The following ZNF678 variants were observed in gnomAD, a reference collection of about 807,000 sequenced individuals.
ZNF678 encodes zinc finger protein 678.
In ZNF678, 5 loss-of-function variants were observed where a neutral mutation model predicts 3.0. That is an observed-to-expected ratio of 1.69 (90% CI 0.88 to 3.56). The LOEUF (loss-of-function observed/expected upper bound fraction) is 3.56. Ranked by LOEUF, ZNF678 falls within the 30% of genes most tolerant of loss-of-function variation. The pLI, the probability that ZNF678 is intolerant of heterozygous loss-of-function variation, is 0.00. For synonymous variants in ZNF678, 218 were observed against 199.6 expected, an observed-to-expected ratio of 1.09 and a Z score of -0.78; for missense variants, 593 against 605.0, an observed-to-expected ratio of 0.98 and a Z score of 0.21.
intron 1 of ZNF678, 87 bp downstream of exon 1, chr1:227,563,811 C>A: frequency 8.2e-7 from 1 of 1,221,128 alleles, no homozygotes; most frequent in Non-Finnish European, 1.1e-6. Flanking sequence ...TCCCGGCTGG[C>A]ACCTGTGGGA....
At chr1:227,575,384 A>G (rs1196195428) in intron 1 of ZNF678, among the ~76,000 whole-genome samples, 2 of 152,122 alleles carry the variant, frequency 1.3e-5, no homozygotes, top group South Asian at 2.1e-4. Context: ...TAAGCATGGA[A>G]TGTTTTTCCG....
At position 227,646,687 on chromosome 1, in the gene ZNF678, T is replaced by C; in HGVS notation, c.-37+17T>C. ...TCTCCCTGGGTGAGGATAACTTCAA[T>C]ACACAATTTATGTATTTCATACTAC... On this transcript the variant is annotated intron_variant, in intron 2 of 3. Transcript: ENST00000343776. 1.5e-6 allele frequency: 2 copies of C among 1,368,938 alleles called. No individual in the cohort carries two copies. Among genetic ancestry groups the C allele is most frequent in the South Asian group, 1.1e-5 (1 of 88,170 alleles). 84.8% of individuals were successfully genotyped at this position (1,368,938 alleles called of 1,614,324 possible). A position where few individuals can be genotyped will look rare whatever the true frequency, so the allele number is the denominator to read the frequency against.
At chr1:227,622,915 A>G (rs1354317210) in intron 1 of ZNF678, among the ~76,000 whole-genome samples, 1 of 152,212 alleles carries the variant, frequency 6.6e-6, no homozygotes. Flanking sequence ...ACAGATCAAT[A>G]CATGCTTCTT....
chr1:227,646,158 T>G (rs1658950293), intron 1 of ZNF678, among the ~76,000 whole-genome samples: 1 of 152,240 alleles, frequency 6.6e-6, no homozygotes, highest in South Asian at 2.1e-4. Context: ...AATCAAAATC[T>G]ACATTTTAAA....
intron 1 of ZNF678, among the ~76,000 whole-genome samples, chr1:227,625,049 C>G (rs927679326): frequency 3.9e-5 from 6 of 152,258 alleles, no homozygotes; most frequent in African/African-American, 1.4e-4. Context: ...GGTTTATATC[C>G]CAATCATTGT....
intron 1 of ZNF678, among the ~76,000 whole-genome samples, chr1:227,632,442 C>T (rs528782391): frequency 1.1e-4 from 17 of 152,150 alleles, no homozygotes; most frequent in African/African-American, 3.1e-4. Flanking sequence ...CATGCATGGG[C>T]GACTGTTGAG....
chr1:227,597,643 T>G (rs1217088404), intron 1 of ZNF678, among the ~76,000 whole-genome samples: 1 of 152,212 alleles, frequency 6.6e-6, no homozygotes, highest in Non-Finnish European at 1.5e-5. Flanking sequence ...TTTTGGGGCT[T>G]TCTCATGCTG....
intron 1 of ZNF678, among the ~76,000 whole-genome samples, chr1:227,592,680 A>C (rs1657447357): frequency 6.6e-6 from 1 of 152,262 alleles, no homozygotes; most frequent in African/African-American, 2.4e-5. Flanking sequence ...TTCAAGCTTT[A>C]AATTGATCTG....
chr1:227,592,668 A>T (rs1657447204), intron 1 of ZNF678, among the ~76,000 whole-genome samples: 1 of 152,222 alleles, frequency 6.6e-6, no homozygotes, highest in Admixed American at 6.5e-5. Context: ...TAGGTATTTG[A>T]TTTCAAGCTT....
rs1405393411 is a variant in ZNF678, at chr1:227,638,688, A to T, written c.-163-7856A>T. 2.0e-5 allele frequency among the ~76,000 whole-genome samples: 3 copies of T among 152,074 alleles called. No individual in the cohort carries two copies. The highest frequency in any genetic ancestry group is 2.0e-4 in the Admixed American group (3 of 15,280). Reference sequence around the variant, plus strand: ...TCTTGGGTACTATGGGAAATGTGGAAGTAGGGAGTAATGTGGAGTTTTGAA... The same window carrying T: ...TCTTGGGTACTATGGGAAATGTGGATGTAGGGAGTAATGTGGAGTTTTGAA... On this transcript the variant is annotated intron_variant, in intron 1 of 3. Transcript: ENST00000343776. This position sits in a 1 kb window ranked among gnomAD's most constrained non-coding sequence, Gnocchi z 4.2.
rs1258306896 is a variant in ZNF678, at chr1:227,608,769, A to G, written c.-163-37775A>G. Among the ~76,000 whole-genome samples the G allele has an allele frequency of 3.3e-5, 5 of 152,200 alleles. No individual in the cohort carries two copies. In the East Asian group the frequency reaches 7.7e-4, roughly 23 times the overall value. ...AAAATGCCCGGTAGAGTTGAAGGAA[A>G]AATGCAGAAACTTCAAGAAGGAAAA... On this transcript the variant is annotated intron_variant, in intron 1 of 3. Coordinates refer to ENST00000343776, the MANE Select transcript of ZNF678 (RefSeq NM_001367909.1).
At chr1:227,585,493 G>A (rs536066000) in intron 1 of ZNF678, among the ~76,000 whole-genome samples, 1 of 152,268 alleles carries the variant, frequency 6.6e-6, no homozygotes, top group East Asian at 1.9e-4. Context: ...TAAAGATCTT[G>A]GCCGGGCACG....
At chr1:227,572,762 A>G (rs1571856450) in intron 1 of ZNF678, among the ~76,000 whole-genome samples, 1 of 152,370 alleles carries the variant, frequency 6.6e-6, no homozygotes, top group Middle Eastern at 3.4e-3. Flanking sequence ...CAGAGAGGCA[A>G]TGATTGCTGC....
At chr1:227,649,274 A>G (rs536371541) in intron 2 of ZNF678, among the ~76,000 whole-genome samples, 2 of 152,314 alleles carry the variant, frequency 1.3e-5, no homozygotes, top group East Asian at 3.9e-4. Context: ...AAGAGCCTTC[A>G]TACTAATTTT....
downstream of ZNF678, among the ~76,000 whole-genome samples, chr1:227,664,044 A>G (rs1329831169): frequency 1.3e-5 from 2 of 152,214 alleles, no homozygotes; most frequent in African/African-American, 4.8e-5. Flanking sequence ...AGCTAGGCCA[A>G]GAGGCATCAG....
chr1:227,669,432 C>G (rs1316245327), intron 5 of ZNF678, among the ~76,000 whole-genome samples: 1 of 151,924 alleles, frequency 6.6e-6, no homozygotes, highest in Non-Finnish European at 1.5e-5. Context: ...GTCAGGAGAT[C>G]AAGACCATCC....
At chr1:227,672,240 A>G (rs901573537) in intron 5 of ZNF678, among the ~76,000 whole-genome samples, 5 of 152,226 alleles carry the variant, frequency 3.3e-5, no homozygotes, top group African/African-American at 1.2e-4. Context: ...CTGAATATTC[A>G]GCCTGCCACC....
intron 1 of ZNF678, among the ~76,000 whole-genome samples, chr1:227,603,878 A>G (rs1404574781): frequency 6.6e-6 from 1 of 152,140 alleles, no homozygotes; most frequent in Non-Finnish European, 1.5e-5. Context: ...ACAACCATTA[A>G]TCTCCATTCT....
intron 1 of ZNF678, chr1:227,598,382 C>T (rs1657648711): frequency 6.4e-6 from 9 of 1,404,414 alleles, no homozygotes; most frequent in South Asian, 4.5e-5. Context: ...TTTCCTCAGA[C>T]ATTGCACTTT....
Sources: gnomAD v4.1 joint callset for allele counts (sites outside exome capture counted in the v4.1 genomes callset) on GRCh38, gnomAD v4.1.1 for gene constraint, Gnocchi (gnomAD v3.1) non-coding constraint, MANE v1.5 for transcripts, NCBI Gene and HGNC (gene_info 2026-07-23, HGNC 2026-07-21) for gene names.